The following CNTNAP5 variants were observed in gnomAD, a reference collection of about 807,000 sequenced individuals.
CNTNAP5 encodes contactin-associated protein-like 5.
Under a neutral mutation model 150.2 loss-of-function variants are expected in CNTNAP5, and 72 were observed. That is an observed-to-expected ratio of 0.48 (90% CI 0.40 to 0.58). The LOEUF (loss-of-function observed/expected upper bound fraction) is 0.58, where lower values mean the gene tolerates loss of function less well. Ranked by LOEUF, CNTNAP5 falls within the 20% of genes least tolerant of loss-of-function variation. CNTNAP5 has a pLI of 0.00. For synonymous variants in CNTNAP5, 672 were observed against 619.8 expected (o/e 1.08, Z -1.25); for missense variants, 1,636 against 1,626.2 (o/e 1.01, Z -0.10).
intron 3 of CNTNAP5, 21 bp downstream of exon 3, chr2:124,242,414 C>A: frequency 6.2e-7 from 1 of 1,601,808 alleles, no homozygotes; most frequent in East Asian, 2.3e-5. Flanking sequence ...TTTTTCCTTC[C>A]AATGAATAAA....
intron 1 of CNTNAP5, among the ~76,000 whole-genome samples, chr2:124,047,852 C>T (rs1681580110): frequency 6.6e-6 from 1 of 152,112 alleles, no homozygotes; most frequent in Non-Finnish European, 1.5e-5. Flanking sequence ...TAGTACCTGC[C>T]TTCATGCCAC....
chr2:124,300,228 T>C (rs1688541359), intron 3 of CNTNAP5, among the ~76,000 whole-genome samples: 1 of 152,226 alleles, frequency 6.6e-6, no homozygotes, highest in Non-Finnish European at 1.5e-5. Flanking sequence ...TTCCGTAGCA[T>C]TTCCTCTTAT....
At chr2:124,487,456 A>G (rs748515202) in intron 7 of CNTNAP5, among the ~76,000 whole-genome samples, 15 of 152,062 alleles carry the variant, frequency 9.9e-5, no homozygotes, top group Non-Finnish European at 2.2e-4. Flanking sequence ...GAAACCCACC[A>G]TTTACTTCAT....
chr2:124,434,037 G>A (rs1692460045), intron 4 of CNTNAP5, among the ~76,000 whole-genome samples: 1 of 152,146 alleles, frequency 6.6e-6, no homozygotes, highest in Admixed American at 6.5e-5. Context: ...TAGGGAGACA[G>A]TACTATGTGG....
intron 3 of CNTNAP5, among the ~76,000 whole-genome samples, chr2:124,367,441 T>C (rs1036813015): frequency 1.3e-5 from 2 of 152,166 alleles, no homozygotes; most frequent in African/African-American, 4.8e-5. Flanking sequence ...ACTCACTCAC[T>C]ATCACGAGAG....
At chr2:124,775,423 C>T (rs891624889) in intron 17 of CNTNAP5, among the ~76,000 whole-genome samples, 2 of 152,104 alleles carry the variant, frequency 1.3e-5, no homozygotes, top group African/African-American at 4.8e-5. Context: ...TTGAGTGTAG[C>T]ATTACTTAAA....
intron 4 of CNTNAP5, among the ~76,000 whole-genome samples, chr2:124,419,677 A>T (rs549737657): frequency 3.9e-4 from 60 of 152,232 alleles, no homozygotes; most frequent in African/African-American, 1.4e-3. Flanking sequence ...AACCTTGGGG[A>T]GTTGTCGGAC....
intron 6 of CNTNAP5, among the ~76,000 whole-genome samples, chr2:124,449,715 C>T (rs1692918627): frequency 1.3e-5 from 2 of 152,166 alleles, no homozygotes; most frequent in African/African-American, 4.8e-5. Context: ...GAAGTAACCT[C>T]TGCTTTAGGG....
At chr2:124,789,846 AAATGTATTG>A in intron 17 of CNTNAP5, 47 bp from the exon 18 acceptor site, 1 of 1,535,996 alleles carries the variant, frequency 6.5e-7, no homozygotes, top group South Asian at 1.2e-5. Flanking sequence ...CATTAAACCT[AAATGTATTG>A]AGCCCTATAA....
At chr2:124,645,704 T>A (rs2105025429) in intron 12 of CNTNAP5, among the ~76,000 whole-genome samples, 1 of 152,330 alleles carries the variant, frequency 6.6e-6, no homozygotes, top group Admixed American at 6.5e-5. Flanking sequence ...TATTAGGCCA[T>A]TTTTGCATTG....
intron 16 of CNTNAP5, among the ~76,000 whole-genome samples, chr2:124,765,449 T>G (rs1414593991): frequency 7.7e-6 from 1 of 129,682 alleles, no homozygotes; most frequent in African/African-American, 2.9e-5. Context: ...AATGAGAACT[T>G]GAGTTCTTAT....
At position 124,361,214 on chromosome 2, in the gene CNTNAP5, AT is replaced by A. The variant is rs926957915; in HGVS notation, c.382-56222del. Among the ~76,000 whole-genome samples the A allele has an allele frequency of 6.2e-3, 895 of 144,386 alleles. 16 individuals carry two copies. The highest frequency in any genetic ancestry group is 0.021 in the African/African-American group (822 of 38,746). 94.7% of individuals were successfully genotyped at this position (144,386 alleles called of 152,430 possible). ...TTATTCTAGTTATACATTCTTCTAAATTTTTTTCAAAGTTTTCAACTTCTTT... is the reference window on the plus strand; with the variant it reads ...TTATTCTAGTTATACATTCTTCTAAATTTTTTCAAAGTTTTCAACTTCTTT... On this transcript the variant is annotated intron_variant, in intron 3 of 23. Transcript: ENST00000682447.
intron 1 of CNTNAP5, among the ~76,000 whole-genome samples, chr2:124,086,382 T>C (rs1302556187): frequency 1.3e-5 from 2 of 151,312 alleles, no homozygotes; most frequent in African/African-American, 4.9e-5. Context: ...TTCTTGTATT[T>C]TTAGTAGAAA....
At chr2:124,447,136 G>A (rs922948115) in intron 6 of CNTNAP5, among the ~76,000 whole-genome samples, 199 bp downstream of exon 6, 1 of 152,042 alleles carries the variant, frequency 6.6e-6, no homozygotes, top group African/African-American at 2.4e-5. Context: ...GGAGTGATGG[G>A]CTAAACCACA....
intron 3 of CNTNAP5, among the ~76,000 whole-genome samples, chr2:124,277,185 C>T (rs1687903602): frequency 6.6e-6 from 1 of 152,164 alleles, no homozygotes; most frequent in Non-Finnish European, 1.5e-5. Context: ...GGACTTTATA[C>T]TTTGACCTGG....
At chr2:124,097,246 T>G (rs552450700) in intron 1 of CNTNAP5, among the ~76,000 whole-genome samples, 2 of 152,308 alleles carry the variant, frequency 1.3e-5, no homozygotes, top group African/African-American at 2.4e-5. Context: ...ACTGCCAAAC[T>G]AATGAAGGCT....
intron 3 of CNTNAP5, among the ~76,000 whole-genome samples, chr2:124,259,358 A>T (rs566685129): frequency 2.6e-5 from 4 of 152,254 alleles, no homozygotes; most frequent in African/African-American, 4.8e-5. Context: ...TTTATAATCC[A>T]TTGGGTATAT....
intron 3 of CNTNAP5, among the ~76,000 whole-genome samples, chr2:124,339,208 C>A (rs1039097938): frequency 6.6e-6 from 1 of 152,056 alleles, no homozygotes; most frequent in African/African-American, 2.4e-5. Context: ...GTTCTAGAAC[C>A]CTCTCTCTCC....
intron 10 of CNTNAP5, among the ~76,000 whole-genome samples, chr2:124,542,797 T>A (rs1695418074): frequency 6.6e-6 from 1 of 152,154 alleles, no homozygotes; most frequent in Admixed American, 6.5e-5. Context: ...CTGAGACACG[T>A]GCCCTGTGAT....
Sources: allele counts gnomAD v4.1 joint callset (sites outside exome capture counted in the v4.1 genomes callset), GRCh38; gene constraint gnomAD v4.1.1; transcripts MANE v1.5; gene names NCBI Gene and HGNC (gene_info 2026-07-23, HGNC 2026-07-21).